EPHB6: variants seen among roughly 807,000 people sequenced by gnomAD.
The protein encoded by EPHB6 is EPH receptor B6.
In EPHB6, 51 loss-of-function variants were observed where a neutral mutation model predicts 107.0. The ratio of observed to expected loss-of-function variants is 0.48; its 90% CI spans 0.38 to 0.60. The LOEUF is 0.60. Ranked by LOEUF, EPHB6 falls within the 20% of genes least tolerant of loss-of-function variation. The pLI is 0.00. For missense variants in EPHB6, 1,141 were observed against 1,355.5 expected, an observed-to-expected ratio of 0.84 and a Z score of 2.48; for synonymous variants, 553 against 549.0, an observed-to-expected ratio of 1.01 and a Z score of -0.10.
intron 1 of EPHB6, among the ~76,000 whole-genome samples, chr7:142,860,083 A>G (rs1001353204): frequency 6.6e-6 from 1 of 152,252 alleles, no homozygotes; most frequent in African/African-American, 2.4e-5. Context: ...TACTATCTGC[A>G]GCGCATCTTT....
At position 142,868,194 on chromosome 7, in the gene EPHB6, G is replaced by T. The variant is rs1735756872; in HGVS notation, c.1919-47G>T. On this transcript the variant is annotated intron_variant, in intron 13 of 19. Transcript: ENST00000652003. This position sits in a 1 kb window ranked among gnomAD's most constrained non-coding sequence, Gnocchi z 4.2. ...TGGGCATGTCTGGGGTGCGCGGGCAGCCCTGCCTTTCACAACACGCTCATA... is the reference window on the plus strand; with the variant it reads ...TGGGCATGTCTGGGGTGCGCGGGCATCCCTGCCTTTCACAACACGCTCATA... 3.1e-6 allele frequency: 5 copies of T among 1,614,058 alleles called. No homozygotes were observed. Among genetic ancestry groups the T allele is most frequent in the Non-Finnish European group, 4.2e-6 (5 of 1,179,990 alleles).
chr7:142,857,208 G>A (rs1289264306), intron 1 of EPHB6, among the ~76,000 whole-genome samples: 1 of 152,226 alleles, frequency 6.6e-6, no homozygotes, highest in East Asian at 1.9e-4. Context: ...GAGTCACAGT[G>A]CTCTGGGGGA....
chr7:142,865,779 C>T lies in EPHB6; in HGVS notation c.1105+149C>T, dbSNP rs1000023271. 4 of 1,202,614 alleles carry T rather than the reference C, an allele frequency of 3.3e-6. No homozygotes were observed. In the South Asian group the frequency reaches 4.0e-5, roughly 12 times the overall value. 74.5% of individuals were successfully genotyped at this position (1,202,614 alleles called of 1,614,324 possible). On this transcript the variant is annotated intron_variant, in intron 8 of 19. Coordinates refer to ENST00000652003, the MANE Select transcript of EPHB6 (RefSeq NM_004445.6). ...CTTCCTCCCCTCCCTGTCCCCACCC[C>T]CTTCTCTCCCTGACCCATCCTTCCC... is the stretch of plus-strand genomic sequence containing the variant.
intron 19 of EPHB6, 23 bp downstream of exon 19, chr7:142,870,708 G>A: frequency 6.2e-7 from 1 of 1,614,212 alleles, no homozygotes; most frequent in Non-Finnish European, 8.5e-7. Flanking sequence ...TGGTGGGGTG[G>A]GGGCGAATGC....
chr7:142,868,892 A>G lies in EPHB6; in HGVS notation c.2287-82A>G, dbSNP rs1005812743. The G allele has an allele frequency of 1.6e-5, 26 of 1,584,116 alleles. No homozygotes were observed. Among genetic ancestry groups the G allele is most frequent in the Non-Finnish European group, 1.9e-5 (22 of 1,167,722 alleles). Reference sequence around the variant, plus strand: ...TCTGATTCGACACCCTCCCGCTCTCATGCTGTTGTCTGCTATGCAGTATGT... The same window carrying G: ...TCTGATTCGACACCCTCCCGCTCTCGTGCTGTTGTCTGCTATGCAGTATGT... On this transcript the variant is annotated intron_variant, in intron 15 of 19. Coordinates refer to ENST00000652003, the MANE Select transcript of EPHB6 (RefSeq NM_004445.6). This position sits in a 1 kb window ranked among gnomAD's most constrained non-coding sequence, Gnocchi z 4.2.
At chr7:142,865,138 A>G (rs1308240054) in intron 7 of EPHB6, among the ~76,000 whole-genome samples, 2 of 152,138 alleles carry the variant, frequency 1.3e-5, no homozygotes, top group Non-Finnish European at 2.9e-5. Flanking sequence ...AGGTAGAGGA[A>G]GGCAGTGGAT....
At chr7:142,862,877 G>A (rs1802908727) in intron 4 of EPHB6, 44 bp downstream of exon 4, 1 of 276,918 alleles carries the variant, frequency 3.6e-6, no homozygotes, top group African/African-American at 2.2e-5. Context: ...TTCTAGGAAG[G>A]AGAGCTGTGA....
In EPHB6 at chr7:142,865,689, G is replaced by A. The variant is rs1181002814; in HGVS notation, c.1105+59G>A. On this transcript the variant is annotated intron_variant, in intron 8 of 19. Coordinates refer to ENST00000652003, the MANE Select transcript of EPHB6 (RefSeq NM_004445.6). ...AGACTTGGAGAGGGGCCAGAAGTGG[G>A]GGTAGCAGGCAACACTGGGGGCTCT... 29 of 1,595,024 alleles carry A rather than the reference G, an allele frequency of 1.8e-5. No homozygotes were observed. In the East Asian group the frequency reaches 6.1e-4, roughly 34 times the overall value.
At chr7:142,865,337 G>T in intron 7 of EPHB6, 138 bp from the exon 8 acceptor site, 1 of 1,078,770 alleles carries the variant, frequency 9.3e-7, no homozygotes, top group Non-Finnish European at 1.4e-6. Flanking sequence ...AAGAGAGGGT[G>T]GGGTTCAGTC....
Position 142,860,038 on chromosome 7 carries a change from T to C in EPHB6, c.-431-1014T>C, listed in dbSNP as rs538562404. 4.6e-5 allele frequency among the ~76,000 whole-genome samples: 7 copies of C among 152,366 alleles called. 1 individual carries two copies. The highest frequency in any genetic ancestry group is 1.7e-4 in the African/African-American group (7 of 41,592). ...GGTCATCAAAGCAAATATCTTGCTA[T>C]TCATCTTCCAGAGTGTTCCATATTG... is the stretch of plus-strand genomic sequence containing the variant. On this transcript the variant is annotated intron_variant, in intron 1 of 19. Transcript: ENST00000652003.
rs772348354 is a variant in EPHB6 at position 142,869,785 on chromosome 7, T to C, written c.2461-32T>C. The C allele has an allele frequency of 4.3e-6, 7 of 1,613,578 alleles. No homozygotes were observed. The highest frequency in any genetic ancestry group is 5.9e-6 in the Non-Finnish European group (7 of 1,179,722). ...CAATAAACGTGACTATTACTATGAT[T>C]ATTACTATTTGCTTTTGACTTTACC... On this transcript the variant is annotated intron_variant, in intron 16 of 19. Transcript: ENST00000652003. The surrounding 1 kb of genome is among the most constrained non-coding windows in gnomAD (Gnocchi z 4.5).
In EPHB6 at chr7:142,865,947, TC is replaced by T; in HGVS notation, c.1106-11del. 6.2e-7 allele frequency: 1 copy of T among 1,613,200 alleles called. No individual in the cohort carries two copies. The highest frequency in any genetic ancestry group is 1.1e-5 in the South Asian group (1 of 91,060). On this transcript the variant is annotated splice_polypyrimidine_tract_variant and intron_variant, in intron 8 of 19. Coordinates refer to ENST00000652003, the MANE Select transcript of EPHB6 (RefSeq NM_004445.6). ...TCTTGGCCCTTGGACTGCCATATCC[TC>T]CGGCCCCCCAGGTCCTCCATCGGCT...
At chr7:142,861,258 A>G (rs1259392602) in intron 2 of EPHB6, 72 bp downstream of exon 2, 2 of 152,228 alleles carry the variant, frequency 1.3e-5, no homozygotes, top group Non-Finnish European at 2.9e-5. Flanking sequence ...AAGGTTTTAT[A>G]TAAGAGGTAG....
chr7:142,860,665 C>T (rs1354163740), intron 1 of EPHB6, among the ~76,000 whole-genome samples: 1 of 152,278 alleles, frequency 6.6e-6, no homozygotes, highest in African/African-American at 2.4e-5. Flanking sequence ...TACTTGTCTC[C>T]ATAGGCTGTA....
chr7:142,865,710 G>A (rs896086408), intron 8 of EPHB6, 80 bp downstream of exon 8: 9 of 1,556,780 alleles, frequency 5.8e-6, no homozygotes, highest in African/African-American at 4.1e-5. Context: ...AACACTGGGG[G>A]CTCTTTGCAT....
At position 142,866,675 on chromosome 7, in the gene EPHB6, A is replaced by C. The variant is rs995975997; in HGVS notation, c.1587+70A>C. 6.2e-6 allele frequency: 10 copies of C among 1,610,572 alleles called. No homozygotes were observed. The African/African-American group carries it at 1.2e-4, about 19-fold the overall frequency. On this transcript the variant is annotated intron_variant, in intron 10 of 19. Transcript: ENST00000652003. The surrounding 1 kb of genome is among the most constrained non-coding windows in gnomAD (Gnocchi z 5.2). ...TCATAGGCCTCACAGTGGGGCCCAGAGGTGACCAGGTGCACAGGAGGAATG... is the reference window on the plus strand; with the variant it reads ...TCATAGGCCTCACAGTGGGGCCCAGCGGTGACCAGGTGCACAGGAGGAATG...
Position 142,865,602 on chromosome 7 carries a change from T to C in EPHB6, c.1077T>C (p.Ser359=). 1 of 1,613,728 alleles carries C rather than the reference T, an allele frequency of 6.2e-7. No homozygotes were observed. Among genetic ancestry groups the C allele is most frequent in the Admixed American group, 1.7e-5 (1 of 60,012 alleles). Residue 359 remains serine, a synonymous_variant, in exon 8 of 20, where the codon AGT becomes AGC. Coordinates refer to ENST00000652003, the MANE Select transcript of EPHB6 (RefSeq NM_004445.6). ...GCCTGGAGGGCTTCTACCGGGCCAG[T>C]TCCGACCCACCAGAGGCCCCCTGCA... ...CPCLEGFYRA[S]SDPPEAPCTG...
chr7:142,867,852 CT>C lies in EPHB6; in HGVS notation c.1865+131del. ...CTCCTCCCGTCAGCCAGCCCCTGCC[CT>C]GGGCCCCACGTGGAGATGGGCAGGA... On this transcript the variant is annotated intron_variant, in intron 12 of 19. Coordinates refer to ENST00000652003, the MANE Select transcript of EPHB6 (RefSeq NM_004445.6). This position sits in a 1 kb window ranked among gnomAD's most constrained non-coding sequence, Gnocchi z 5.3. 2 of 1,441,768 alleles carry C rather than the reference CT, an allele frequency of 1.4e-6. No homozygotes were observed. Among genetic ancestry groups the C allele is most frequent in the Non-Finnish European group, 1.9e-6 (2 of 1,049,974 alleles). 89.3% of individuals were successfully genotyped at this position (1,441,768 alleles called of 1,614,324 possible). A position where few individuals can be genotyped will look rare whatever the true frequency, so the allele number is the denominator to read the frequency against.
In EPHB6 at chr7:142,869,216, G is replaced by T; in HGVS notation, c.2460+69G>T. The T allele has an allele frequency of 1.3e-6, 2 of 1,568,394 alleles. No homozygotes were observed. The highest frequency in any genetic ancestry group is 4.5e-5 in the East Asian group (2 of 44,360). On this transcript the variant is annotated intron_variant, in intron 16 of 19. Transcript: ENST00000652003. This position sits in a 1 kb window ranked among gnomAD's most constrained non-coding sequence, Gnocchi z 4.5. ...TGCCCCAGCAGGTGCTGGGGTCGGG[G>T]GTGAGCTGGAATCTGGGGTAGGTAC...
Sources: allele counts gnomAD v4.1 joint callset (sites outside exome capture counted in the v4.1 genomes callset), GRCh38; gene constraint gnomAD v4.1.1; non-coding constraint Gnocchi (gnomAD v3.1); transcripts MANE v1.5; gene names NCBI Gene and HGNC (gene_info 2026-07-23, HGNC 2026-07-21).